Variants in ADRA1B observed in about 807,000 individuals in gnomAD.
The protein encoded by ADRA1B is alpha-1B adrenergic receptor.
A neutral mutation model predicts 17.9 loss-of-function variants in ADRA1B; 17 were observed. The observed-to-expected ratio is 0.95, with a 90% CI of 0.65 to 1.42. The LOEUF (loss-of-function observed/expected upper bound fraction) is 1.42. Ranked by LOEUF, ADRA1B falls within the 40% of genes most tolerant of loss-of-function variation. The pLI is 0.00. For missense variants in ADRA1B, 681 were observed against 722.1 expected (o/e 0.94, Z 0.65); for synonymous variants, 366 against 327.6 (o/e 1.12, Z -1.27).
chr5:159,880,387 T>C (rs1019426395), intron 1 of ADRA1B, among the ~76,000 whole-genome samples: 1 of 152,210 alleles, frequency 6.6e-6, no homozygotes, highest in Non-Finnish European at 1.5e-5. Flanking sequence ...GTGCAAGAGT[T>C]TCCCATCCCA....
the ADRA1B span, among the ~76,000 whole-genome samples, chr5:159,980,725 G>A: frequency 9.5e-4 from 145 of 152,208 alleles, 1 homozygote; most frequent in Admixed American, 1.1e-3. Context: ...TGGGCATATA[G>A]GAAATGCTCA....
downstream of ADRA1B, among the ~76,000 whole-genome samples, chr5:159,974,728 C>T (rs969805307): frequency 3.9e-5 from 6 of 151,950 alleles, no homozygotes; most frequent in South Asian, 2.1e-4. Flanking sequence ...TCCATAAAAA[C>T]GCACATACCA....
rs953286089 is a variant in ADRA1B at position 159,884,828 on chromosome 5, T to C, written c.-256+19622T>C. ...TTTGAGATGGACTTGCCATCTTGAATAGAGAAAGGCTTCCCATATGTACAA... is the reference window on the plus strand; with the variant it reads ...TTTGAGATGGACTTGCCATCTTGAACAGAGAAAGGCTTCCCATATGTACAA... On this transcript the variant is annotated intron_variant, in intron 1 of 2. Coordinates refer to the ADRA1B transcript ENST00000641205. Among the ~76,000 whole-genome samples, 6 of 152,352 alleles carry C rather than the reference T, an allele frequency of 3.9e-5. No individual in the cohort carries two copies. In the South Asian group the frequency reaches 1.2e-3, roughly 32 times the overall value.
At chr5:159,963,306 A>ATATATC in intron 1 of ADRA1B, among the ~76,000 whole-genome samples, 1 of 150,166 alleles carries the variant, frequency 6.7e-6, no homozygotes, top group Middle Eastern at 3.5e-3. Context: ...ATATATATAT[A>ATATATC]TATCCACACA....
intron 1 of ADRA1B, among the ~76,000 whole-genome samples, chr5:159,945,022 A>T (rs1755231678): frequency 6.6e-6 from 1 of 152,214 alleles, no homozygotes; most frequent in Non-Finnish European, 1.5e-5. Context: ...CAGGGTGGTG[A>T]TGATCAAGAA....
intron 1 of ADRA1B, chr5:159,948,549 A>C (rs945304114): frequency 2.2e-6 from 2 of 890,226 alleles, no homozygotes; most frequent in Non-Finnish European, 2.7e-6. Flanking sequence ...AATCAGAAAA[A>C]CAAAAAAAGA....
chr5:159,957,092 G>A (rs1008846925), intron 1 of ADRA1B, among the ~76,000 whole-genome samples: 1 of 152,068 alleles, frequency 6.6e-6, no homozygotes, highest in East Asian at 1.9e-4. Flanking sequence ...GGCTGGACTC[G>A]AACTCCTGAC....
intron 1 of ADRA1B, among the ~76,000 whole-genome samples, chr5:159,931,540 CA>C (rs1371119673): frequency 6.6e-6 from 1 of 151,948 alleles, no homozygotes; most frequent in Non-Finnish European, 1.5e-5. Context: ...TTCTTGGTAG[CA>C]AAAGGTAATT....
chr5:159,871,308 T>C (rs1261094295), intron 1 of ADRA1B: 1 of 152,240 alleles, frequency 6.6e-6, no homozygotes, highest in Non-Finnish European at 1.5e-5. Flanking sequence ...TGGCCCATTA[T>C]AACTGGAAGT....
At chr5:159,870,690 T>C (rs997579105) in intron 1 of ADRA1B, 8 of 152,198 alleles carry the variant, frequency 5.3e-5, no homozygotes, top group African/African-American at 1.9e-4. Flanking sequence ...TGTTAAAGTA[T>C]GCTGGGGGAT....
chr5:159,912,397 T>G (rs541387376), upstream of ADRA1B, among the ~76,000 whole-genome samples: 6 of 152,298 alleles, frequency 3.9e-5, no homozygotes, highest in East Asian at 1.2e-3. Context: ...CCAAGTTAGC[T>G]CTCAACTCCC....
chr5:159,894,136 G>A (rs2113108452), intron 1 of ADRA1B, among the ~76,000 whole-genome samples: 1 of 152,350 alleles, frequency 6.6e-6, no homozygotes, highest in Non-Finnish European at 1.5e-5. Flanking sequence ...AGGCTGTGGT[G>A]CCCCGCAGGG....
chr5:159,950,165 T>C (rs1396541534), intron 1 of ADRA1B, among the ~76,000 whole-genome samples: 2 of 152,218 alleles, frequency 1.3e-5, no homozygotes, highest in African/African-American at 4.8e-5. Flanking sequence ...TGAGGCTCAG[T>C]GACATTTCAG....
At chr5:159,903,504 C>T (rs983032642) in intron 1 of ADRA1B, among the ~76,000 whole-genome samples, 1 of 152,166 alleles carries the variant, frequency 6.6e-6, no homozygotes, top group African/African-American at 2.4e-5. Context: ...CAAGTGTTAT[C>T]CCATTTTACA....
chr5:159,951,083 T>C (rs1561605895), intron 1 of ADRA1B: 1 of 731,766 alleles, frequency 1.4e-6, no homozygotes. Context: ...TCTGTTGTCA[T>C]ACTTCTTGTG....
chr5:159,886,131 T>C (rs1311435520), intron 1 of ADRA1B, among the ~76,000 whole-genome samples: 11 of 152,210 alleles, frequency 7.2e-5, no homozygotes, highest in Non-Finnish European at 1.5e-4. Flanking sequence ...TTTCAATGCT[T>C]AAGTAATGGT....
In ADRA1B at chr5:159,917,723, A is replaced by G. The variant is rs1386375866; in HGVS notation, c.818A>G (p.His273Arg). The change falls in exon 1 of 2, where the codon CAC becomes CGC. Residue 273 changes from histidine to arginine, a missense_variant. His to Arg is a conservative substitution (Grantham distance 29). Transcript: ENST00000306675. ...DTLSSTKAKGHNPRSSIAVKL... is the reference protein window; with the variant it reads ...DTLSSTKAKGRNPRSSIAVKL... ...CTTAGCAGTACCAAGGCCAAGGGCCACAACCCCAGGAGTTCCATAGCTGTC... is the reference window on the plus strand; with the variant it reads ...CTTAGCAGTACCAAGGCCAAGGGCCGCAACCCCAGGAGTTCCATAGCTGTC... 1 of 1,614,174 alleles carries G rather than the reference A, an allele frequency of 6.2e-7. No homozygotes were observed.
At chr5:159,881,760 T>G (rs1414537046) in intron 1 of ADRA1B, among the ~76,000 whole-genome samples, 1 of 152,118 alleles carries the variant, frequency 6.6e-6, no homozygotes, top group East Asian at 1.9e-4. Flanking sequence ...TAAATACCAA[T>G]ATTATAAATA....
intron 1 of ADRA1B, among the ~76,000 whole-genome samples, chr5:159,953,874 C>G (rs1184945059): frequency 2.0e-5 from 3 of 151,636 alleles, no homozygotes; most frequent in African/African-American, 7.3e-5. Context: ...GAGCATTTAT[C>G]TATGTGAAAA....
Sources: gnomAD v4.1 joint callset for allele counts (sites outside exome capture counted in the v4.1 genomes callset) on GRCh38, gnomAD v4.1.1 for gene constraint, MANE v1.5 for transcripts, NCBI Gene and HGNC (gene_info 2026-07-23, HGNC 2026-07-21) for gene names.